ACTR3C: variants seen among roughly 807,000 people sequenced by gnomAD.
The protein encoded by ACTR3C is actin-related protein 3C.
ACTR3C carries 18 observed loss-of-function variants against 26.3 expected under a neutral mutation model. That is an observed-to-expected ratio of 0.68 (90% CI 0.47 to 1.01). ACTR3C has a LOEUF of 1.01. Among genes scored for constraint, ACTR3C ranks in the 50% least tolerant of loss-of-function variants. The pLI is 0.00. For missense variants in ACTR3C, 184 were observed against 250.7 expected, an observed-to-expected ratio of 0.73 and a Z score of 1.80; for synonymous variants, 55 against 94.5, an observed-to-expected ratio of 0.58 and a Z score of 2.42.
At position 150,297,956 on chromosome 7, in the gene ACTR3C, A is replaced by G. The variant is rs985642481; in HGVS notation, c.-51-2609T>C. Among the ~76,000 whole-genome samples the G allele has an allele frequency of 7.3e-5, 11 of 151,590 alleles. 1 individual carries two copies. The highest frequency in any genetic ancestry group is 2.7e-4 in the African/African-American group (11 of 41,008). On this transcript the variant is annotated intron_variant, in intron 1 of 7. Coordinates refer to ENST00000683684, the MANE Select transcript of ACTR3C (RefSeq NM_001164458.2). ...AAAATGATATCAAGTTGAGCAGTGC[A>G]CAAGGAAAGAAGGAGAGAGTGTAAA...
the ACTR3C span, among the ~76,000 whole-genome samples, chr7:149,953,616 G>A: frequency 1.3e-5 from 2 of 152,096 alleles, no homozygotes; most frequent in Non-Finnish European, 2.9e-5. Context: ...GATTGGGAAC[G>A]GTCAGAAAAG....
the ACTR3C span, among the ~76,000 whole-genome samples, chr7:150,033,314 G>C: frequency 6.6e-6 from 1 of 152,136 alleles, no homozygotes; most frequent in Non-Finnish European, 1.5e-5. Flanking sequence ...CTTTGCGTTT[G>C]CTCTAGGGCT....
chr7:150,007,689 C>G, the ACTR3C span, among the ~76,000 whole-genome samples: 1 of 151,712 alleles, frequency 6.6e-6, no homozygotes, highest in Non-Finnish European at 1.5e-5. Flanking sequence ...TGTTGTGGGT[C>G]ACGGATGTTG....
intron 1 of ACTR3C, among the ~76,000 whole-genome samples, chr7:150,300,456 C>T (rs970286465): frequency 9.2e-5 from 14 of 152,218 alleles, no homozygotes; most frequent in African/African-American, 1.7e-4. Flanking sequence ...TGGCTAAGAA[C>T]GGGTAAGGGC....
the ACTR3C span, among the ~76,000 whole-genome samples, chr7:150,036,901 C>G: frequency 5.4e-5 from 6 of 111,618 alleles, no homozygotes. Context: ...CCCCGCCTCG[C>G]GGGGAGTGCC....
chr7:150,089,694 C>A, the ACTR3C span, among the ~76,000 whole-genome samples: 26 of 152,192 alleles, frequency 1.7e-4, no homozygotes, highest in Non-Finnish European at 2.9e-5. Flanking sequence ...CACTCTGGTG[C>A]CACTCAAGTT....
the ACTR3C span, among the ~76,000 whole-genome samples, chr7:149,895,005 G>A: frequency 6.6e-6 from 1 of 151,586 alleles, no homozygotes; most frequent in Non-Finnish European, 1.5e-5. Context: ...ATTAACGGAT[G>A]AACAGATAAA....
intron 7 of ACTR3C, chr7:150,248,363 TAAAAAAA>T (rs1007306661): frequency 6.9e-6 from 1 of 144,478 alleles, no homozygotes; most frequent in South Asian, 2.2e-4. Flanking sequence ...AGCTGGCTAT[TAAAAAAA>T]AAAAAGAGTA....
the ACTR3C span, among the ~76,000 whole-genome samples, chr7:150,191,257 C>G: frequency 4.3e-4 from 66 of 152,254 alleles, no homozygotes; most frequent in African/African-American, 1.5e-3. Context: ...GTAAAAATCA[C>G]TTTGAGATTT....
At chr7:150,021,069 C>T in the ACTR3C span, among the ~76,000 whole-genome samples, 5 of 152,108 alleles carry the variant, frequency 3.3e-5, no homozygotes, top group African/African-American at 1.2e-4. Context: ...GATCCACCTG[C>T]CTTGGCCTCC....
the ACTR3C span, among the ~76,000 whole-genome samples, chr7:150,041,140 G>T: frequency 7.2e-4 from 108 of 150,678 alleles, 1 homozygote; most frequent in Middle Eastern, 6.8e-3. Context: ...GCTGCCAGAA[G>T]ATTTTCTTGT....
At chr7:150,137,313 G>GA in the ACTR3C span, among the ~76,000 whole-genome samples, 3 of 152,144 alleles carry the variant, frequency 2.0e-5, no homozygotes, top group African/African-American at 7.2e-5. Context: ...GTTTTCTCGG[G>GA]TTTTTTACTT....
At chr7:150,005,479 C>A in the ACTR3C span, among the ~76,000 whole-genome samples, 1 of 151,912 alleles carries the variant, frequency 6.6e-6, no homozygotes, top group Non-Finnish European at 1.5e-5. Context: ...AAAAGCTGCA[C>A]GATGAACAAA....
At chr7:149,907,485 T>TCTCTCTCTCTCC in the ACTR3C span, among the ~76,000 whole-genome samples, 1 of 64,980 alleles carries the variant, frequency 1.5e-5, no homozygotes, top group African/African-American at 4.4e-5. Flanking sequence ...CTCTTCTCTC[T>TCTCTCTCTCTCC]CTCTCTCTCT....
chr7:150,236,495 A>G, the ACTR3C span, among the ~76,000 whole-genome samples: 1 of 152,226 alleles, frequency 6.6e-6, no homozygotes, highest in African/African-American at 2.4e-5. Context: ...CTACATTCCT[A>G]GGACCTATGA....
At chr7:150,094,068 C>T in the ACTR3C span, among the ~76,000 whole-genome samples, 1 of 150,476 alleles carries the variant, frequency 6.6e-6, no homozygotes, top group Non-Finnish European at 1.5e-5. Flanking sequence ...GCTGTCCGTG[C>T]AGAGCTCAGC....
intron 4 of ACTR3C, among the ~76,000 whole-genome samples, chr7:150,286,967 C>T (rs1029105129): frequency 1.3e-5 from 2 of 152,204 alleles, no homozygotes; most frequent in African/African-American, 4.8e-5. Flanking sequence ...ACTGTCTACA[C>T]CCTAAACCTG....
the ACTR3C span, among the ~76,000 whole-genome samples, chr7:149,985,255 C>CACAT: frequency 1.4e-5 from 2 of 147,228 alleles, no homozygotes; most frequent in Non-Finnish European, 1.5e-5. Context: ...CACACACACA[C>CACAT]GAAACCCTGC....
the ACTR3C span, among the ~76,000 whole-genome samples, chr7:150,109,412 T>G: frequency 6.6e-6 from 1 of 151,734 alleles, no homozygotes; most frequent in Non-Finnish European, 1.5e-5. Context: ...ATATAAGTAT[T>G]TTTTTTTAAA....
Sources: allele counts gnomAD v4.1 joint callset (sites outside exome capture counted in the v4.1 genomes callset), GRCh38; gene constraint gnomAD v4.1.1; transcripts MANE v1.5; gene names NCBI Gene and HGNC (gene_info 2026-07-23, HGNC 2026-07-21).